Variants in CNTNAP5 observed in about 807,000 individuals in gnomAD.
CNTNAP5 encodes contactin associated protein family member 5.
A neutral mutation model predicts 150.2 loss-of-function variants in CNTNAP5; 72 were observed. That is an observed-to-expected ratio of 0.48 (90% CI 0.40 to 0.58). CNTNAP5 has a LOEUF of 0.58. CNTNAP5 is among the 20% of genes least tolerant of loss of function. The pLI, the probability that CNTNAP5 is intolerant of heterozygous loss-of-function variation, is 0.00. For synonymous variants in CNTNAP5, 672 were observed against 619.8 expected (o/e 1.08, Z -1.25); for missense variants, 1,636 against 1,626.2 (o/e 1.01, Z -0.10).
intron 10 of CNTNAP5, among the ~76,000 whole-genome samples, chr2:124,529,679 C>G (rs970982116): frequency 6.6e-6 from 1 of 152,186 alleles, no homozygotes; most frequent in Non-Finnish European, 1.5e-5. Flanking sequence ...TAATTGCAAA[C>G]TCTTTGCCTT....
At chr2:124,487,168 G>A (rs144451548) in intron 7 of CNTNAP5, among the ~76,000 whole-genome samples, 2 of 152,244 alleles carry the variant, frequency 1.3e-5, no homozygotes, top group African/African-American at 4.8e-5. Flanking sequence ...CAAGGTCCAA[G>A]ATATGCCCTG....
intron 13 of CNTNAP5, among the ~76,000 whole-genome samples, chr2:124,648,707 G>A (rs1678257080): frequency 6.6e-6 from 1 of 152,164 alleles, no homozygotes; most frequent in Non-Finnish European, 1.5e-5. Context: ...AAGAGTTTCT[G>A]TAAAATGTAA....
chr2:124,438,450 T>C (rs1202167482), intron 5 of CNTNAP5, among the ~76,000 whole-genome samples: 2 of 152,152 alleles, frequency 1.3e-5, no homozygotes, highest in East Asian at 3.9e-4. Context: ...TCAATCATCC[T>C]TATAAGAGCC....
intron 19 of CNTNAP5, among the ~76,000 whole-genome samples, chr2:124,814,457 C>T (rs1366592346): frequency 1.3e-5 from 2 of 152,152 alleles, no homozygotes; most frequent in Non-Finnish European, 2.9e-5. Flanking sequence ...AATTCCAGGA[C>T]TCAGCACTCC....
chr2:124,039,659 G>A (rs531877099), intron 1 of CNTNAP5, among the ~76,000 whole-genome samples: 2 of 152,188 alleles, frequency 1.3e-5, no homozygotes, highest in East Asian at 1.9e-4. Flanking sequence ...ATCCTTGAGT[G>A]TTTACTTCGG....
intron 13 of CNTNAP5, among the ~76,000 whole-genome samples, chr2:124,677,351 A>C (rs1484513405): frequency 6.6e-6 from 1 of 152,230 alleles, no homozygotes; most frequent in Non-Finnish European, 1.5e-5. Flanking sequence ...GTGGACCTAA[A>C]GAGTAAGCAG....
At chr2:124,599,196 A>G (rs371499752) in intron 11 of CNTNAP5, among the ~76,000 whole-genome samples, 2 of 152,326 alleles carry the variant, frequency 1.3e-5, no homozygotes, top group East Asian at 1.9e-4. Flanking sequence ...CTCTGATTCA[A>G]TTAAAATTTG....
intron 15 of CNTNAP5, 65 bp downstream of exon 15, chr2:124,763,864 T>C: frequency 6.2e-7 from 1 of 1,606,028 alleles, no homozygotes; most frequent in Non-Finnish European, 8.5e-7. Flanking sequence ...TCTTACTCCC[T>C]TATCCCTTTT....
intron 1 of CNTNAP5, among the ~76,000 whole-genome samples, chr2:124,200,710 C>T (rs1466250621): frequency 6.6e-6 from 1 of 152,168 alleles, no homozygotes; most frequent in Non-Finnish European, 1.5e-5. Flanking sequence ...AACCTGATTT[C>T]GAAGCTGCAG....
chr2:124,707,140 G>GAGGAAGAAGAAGAAGAAGAA (rs1679697343), intron 13 of CNTNAP5, among the ~76,000 whole-genome samples: 73 of 86,468 alleles, frequency 8.4e-4, no homozygotes, highest in Non-Finnish European at 1.2e-3. Flanking sequence ...AAGAAGAAGA[G>GAGGAAGAAGAAGAAGAAGAA]GAAGAAGAAG....
At chr2:124,242,521 A>C in intron 3 of CNTNAP5, 128 bp downstream of exon 3, 1 of 895,476 alleles carries the variant, frequency 1.1e-6, no homozygotes, top group Non-Finnish European at 1.7e-6. Context: ...CATTAGAAAT[A>C]ATTAGACAAT....
Position 124,044,944 on chromosome 2 carries a change from G to A in CNTNAP5, c.82+19212G>A, listed in dbSNP as rs76699761. The stretch of plus-strand genomic sequence containing the variant: ...CACACACACACACATGAATAAGTGA[G>A]GCCCATCTTCCTGGAATGTCAATTT... On this transcript the variant is annotated intron_variant, in intron 1 of 23. Coordinates refer to ENST00000682447, the MANE Select transcript of CNTNAP5 (RefSeq NM_001367498.1). Among the ~76,000 whole-genome samples, 40 of 150,132 alleles carry A rather than the reference G, an allele frequency of 2.7e-4. No homozygotes were observed. The East Asian group carries it at 6.0e-3, about 22-fold the overall frequency.
intron 7 of CNTNAP5, among the ~76,000 whole-genome samples, chr2:124,494,835 A>G (rs1018769155): frequency 3.5e-4 from 53 of 152,224 alleles, no homozygotes; most frequent in African/African-American, 1.2e-3. Context: ...AATAGCAATT[A>G]CTGATCCTGA....
chr2:124,282,994 C>CTTTTTTTTT (rs61480383), intron 3 of CNTNAP5, among the ~76,000 whole-genome samples: 1 of 140,520 alleles, frequency 7.1e-6, no homozygotes, highest in Non-Finnish European at 1.6e-5. Context: ...GTCCATTGCT[C>CTTTTTTTTT]TTTTTTTTTT....
chr2:124,384,040 G>A (rs182935138), intron 3 of CNTNAP5, among the ~76,000 whole-genome samples: 35 of 151,892 alleles, frequency 2.3e-4, no homozygotes, highest in Non-Finnish European at 2.6e-4. Flanking sequence ...CCATTAATCC[G>A]TGGTTTAATA....
intron 1 of CNTNAP5, among the ~76,000 whole-genome samples, chr2:124,121,337 C>T (rs1683556708): frequency 6.6e-6 from 1 of 152,172 alleles, no homozygotes; most frequent in Admixed American, 6.5e-5. Context: ...AAACACAAGG[C>T]TTCCTCTCCA....
At chr2:124,171,422 G>A (rs1684928822) in intron 1 of CNTNAP5, among the ~76,000 whole-genome samples, 1 of 152,142 alleles carries the variant, frequency 6.6e-6, no homozygotes, top group Non-Finnish European at 1.5e-5. Flanking sequence ...TTGCTAATTT[G>A]AGCTGTTCTC....
chr2:124,860,001 A>T, intron 19 of CNTNAP5, among the ~76,000 whole-genome samples: 1 of 152,052 alleles, frequency 6.6e-6, no homozygotes, highest in East Asian at 1.9e-4. Flanking sequence ...TGGCACGTGT[A>T]TACATATGTA....
intron 7 of CNTNAP5, among the ~76,000 whole-genome samples, chr2:124,481,773 A>G (rs1357922643): frequency 1.3e-5 from 2 of 152,246 alleles, no homozygotes; most frequent in African/African-American, 2.4e-5. Context: ...TTAAGAATCT[A>G]CTGTGTTAAA....
Sources: allele counts gnomAD v4.1 joint callset (sites outside exome capture counted in the v4.1 genomes callset), GRCh38; gene constraint gnomAD v4.1.1; transcripts MANE v1.5; gene names NCBI Gene and HGNC (gene_info 2026-07-23, HGNC 2026-07-21).